UBL3: variants seen among roughly 807,000 people sequenced by gnomAD.
UBL3 encodes ubiquitin like 3, also known as ubiquitin-like protein 3.
A neutral mutation model predicts 18.4 loss-of-function variants in UBL3; 6 were observed. That is an observed-to-expected ratio of 0.33 (90% CI 0.18 to 0.64). The LOEUF (loss-of-function observed/expected upper bound fraction) is 0.64, where lower values mean the gene tolerates loss of function less well. Among genes scored for constraint, UBL3 ranks in the 30% least tolerant of loss-of-function variants. The pLI, the probability that UBL3 is intolerant of heterozygous loss-of-function variation, is 0.76. For missense variants in UBL3, 109 were observed against 142.9 expected (o/e 0.76, Z 1.21); for synonymous variants, 49 against 46.6 (o/e 1.05, Z -0.21).
chr13:29,831,475 C>A (rs1411261438), intron 1 of UBL3, among the ~76,000 whole-genome samples: 1 of 151,654 alleles, frequency 6.6e-6, no homozygotes, highest in Non-Finnish European at 1.5e-5. Flanking sequence ...GTAATCCCAG[C>A]TATTCGGGAG....
chr13:29,812,740 T>C (rs948319814), intron 1 of UBL3, among the ~76,000 whole-genome samples: 4 of 152,080 alleles, frequency 2.6e-5, no homozygotes, highest in Admixed American at 2.0e-4. Flanking sequence ...ATATAGACTA[T>C]TTCTAATGAA....
At chr13:29,784,547 C>A (rs1403289487) in intron 1 of UBL3, among the ~76,000 whole-genome samples, 1 of 151,628 alleles carries the variant, frequency 6.6e-6, no homozygotes, top group Non-Finnish European at 1.5e-5. Flanking sequence ...AGGTATTAGA[C>A]CCTTTTTGCA....
intron 1 of UBL3, among the ~76,000 whole-genome samples, chr13:29,832,494 G>A (rs1296845019): frequency 1.3e-5 from 2 of 151,970 alleles, no homozygotes; most frequent in Admixed American, 6.6e-5. Flanking sequence ...CACCGCGCCC[G>A]GCTAATTTTT....
In UBL3 at chr13:29,795,447, A is replaced by G. The variant is rs1272608030; in HGVS notation, c.28-18184T>C. 3.3e-5 allele frequency among the ~76,000 whole-genome samples: 5 copies of G among 152,084 alleles called. 1 individual carries two copies. Among genetic ancestry groups the G allele is most frequent in the African/African-American group, 1.2e-4 (5 of 41,402 alleles). On this transcript the variant is annotated intron_variant, in intron 1 of 4. Coordinates refer to ENST00000380680, the MANE Select transcript of UBL3 (RefSeq NM_007106.4). Reference sequence around the variant, plus strand: ...ACATATAACTCTTACTAGATCCTCTAGTCAGGATTTAGTAAGTAACATTAT... The same window carrying G: ...ACATATAACTCTTACTAGATCCTCTGGTCAGGATTTAGTAAGTAACATTAT...
intron 3 of UBL3, among the ~76,000 whole-genome samples, chr13:29,768,870 T>C (rs1876762079): frequency 6.6e-6 from 1 of 152,096 alleles, no homozygotes. Flanking sequence ...TGATCAACAT[T>C]TCAAACCTTG....
At chr13:29,770,824 A>T (rs973708998) in intron 3 of UBL3, among the ~76,000 whole-genome samples, 1 of 22,230 alleles carries the variant, frequency 4.5e-5, no homozygotes, top group African/African-American at 1.1e-4. Context: ...CAAAAGCTAT[A>T]AAAAAAAAGC....
chr13:29,772,971 G>C (rs1409446102), intron 2 of UBL3, among the ~76,000 whole-genome samples: 1 of 152,108 alleles, frequency 6.6e-6, no homozygotes, highest in Non-Finnish European at 1.5e-5. Context: ...AAGGACACTA[G>C]TGTTATGATA....
intron 1 of UBL3, among the ~76,000 whole-genome samples, chr13:29,819,746 G>A (rs1413817874): frequency 1.3e-5 from 2 of 151,996 alleles, no homozygotes; most frequent in Non-Finnish European, 2.9e-5. Context: ...CCAAGTTGGA[G>A]AGAAATGATT....
chr13:29,810,447 T>G (rs771350031), intron 1 of UBL3, among the ~76,000 whole-genome samples: 11 of 151,952 alleles, frequency 7.2e-5, no homozygotes, highest in Non-Finnish European at 1.6e-4. Context: ...GAATAGCTAA[T>G]GAGACAGTAA....
chr13:29,795,472 TTAA>T (rs1877584178), intron 1 of UBL3, among the ~76,000 whole-genome samples: 1 of 152,094 alleles, frequency 6.6e-6, no homozygotes, highest in African/African-American at 2.4e-5. Flanking sequence ...AGTAACATTA[TTAA>T]TAATATTAGT....
At chr13:29,811,634 C>T (rs1416076475) in intron 1 of UBL3, among the ~76,000 whole-genome samples, 1 of 152,068 alleles carries the variant, frequency 6.6e-6, no homozygotes, top group Non-Finnish European at 1.5e-5. Context: ...GTTGTGATAC[C>T]TAGAGCACAC....
intron 1 of UBL3, among the ~76,000 whole-genome samples, chr13:29,841,296 A>G (rs1354452144): frequency 2.0e-5 from 3 of 152,064 alleles, no homozygotes; most frequent in Non-Finnish European, 4.4e-5. Context: ...ACATATATAT[A>G]TGCAGTTAAA....
At chr13:29,805,680 A>G (rs1332094035) in intron 1 of UBL3, among the ~76,000 whole-genome samples, 2 of 152,220 alleles carry the variant, frequency 1.3e-5, no homozygotes, top group Non-Finnish European at 2.9e-5. Context: ...ACATCACAAC[A>G]TTCAAGAAGC....
intron 2 of UBL3, among the ~76,000 whole-genome samples, chr13:29,774,864 C>T (rs1876939210): frequency 6.6e-6 from 1 of 151,888 alleles, no homozygotes; most frequent in Non-Finnish European, 1.5e-5. Flanking sequence ...AACCCAAGTG[C>T]AGCCTTGGGG....
chr13:29,805,152 A>C (rs1467036451), intron 1 of UBL3, among the ~76,000 whole-genome samples: 1 of 152,222 alleles, frequency 6.6e-6, no homozygotes, highest in Non-Finnish European at 1.5e-5. Flanking sequence ...ACTACTCAAT[A>C]ATTAAGAGGT....
At chr13:29,827,016 G>A (rs1470463052) in intron 1 of UBL3, among the ~76,000 whole-genome samples, 1 of 152,144 alleles carries the variant, frequency 6.6e-6, no homozygotes, top group African/African-American at 2.4e-5. Flanking sequence ...TCTTAATCCT[G>A]AGTTCTAGTT....
At chr13:29,822,460 T>C (rs1878483850) in intron 1 of UBL3, among the ~76,000 whole-genome samples, 1 of 152,248 alleles carries the variant, frequency 6.6e-6, no homozygotes, top group Non-Finnish European at 1.5e-5. Context: ...CTTTTGATTC[T>C]ACTGAAATAG....
chr13:29,817,170 T>C (rs1012331198), intron 1 of UBL3, among the ~76,000 whole-genome samples: 43 of 152,248 alleles, frequency 2.8e-4, no homozygotes, highest in Non-Finnish European at 3.7e-4. Flanking sequence ...TACCTTCTTG[T>C]CTGCGACATT....
chr13:29,841,544 T>C (rs192582196), intron 1 of UBL3, among the ~76,000 whole-genome samples: 1 of 152,288 alleles, frequency 6.6e-6, no homozygotes, highest in East Asian at 1.9e-4. Flanking sequence ...AGATGTTACA[T>C]AGTTTATTAC....
Sources: allele counts gnomAD v4.1 joint callset (sites outside exome capture counted in the v4.1 genomes callset), GRCh38; gene constraint gnomAD v4.1.1; transcripts MANE v1.5; gene names NCBI Gene and HGNC (gene_info 2026-07-23, HGNC 2026-07-21).